The following GNG12 variants were observed in gnomAD, a reference collection of about 807,000 sequenced individuals.
GNG12 encodes the protein guanine nucleotide-binding protein G(I)/G(S)/G(O) subunit gamma-12.
For missense variants in GNG12, 69 were observed against 83.8 expected (o/e 0.82, Z 0.69); for synonymous variants, 28 against 29.7 (o/e 0.94, Z 0.19).
intron 2 of GNG12, among the ~76,000 whole-genome samples, chr1:67,718,259 A>T (rs955756112): frequency 1.3e-5 from 2 of 152,186 alleles, no homozygotes; most frequent in African/African-American, 4.8e-5. Flanking sequence ...CTGGTCACAG[A>T]GGCCTCCTTT....
intron 2 of GNG12, among the ~76,000 whole-genome samples, chr1:67,773,244 C>T (rs911209318): frequency 2.0e-5 from 3 of 152,150 alleles, no homozygotes; most frequent in African/African-American, 4.8e-5. Context: ...TTTCTTCCTA[C>T]GACATTGTTG....
At chr1:67,718,653 C>T (rs776067058) in intron 2 of GNG12, among the ~76,000 whole-genome samples, 20 of 150,888 alleles carry the variant, frequency 1.3e-4, no homozygotes, top group Non-Finnish European at 2.8e-4. Context: ...AGTCTTGGCT[C>T]TCTGCAGCTC....
intron 1 of GNG12, among the ~76,000 whole-genome samples, chr1:67,803,814 C>G (rs972313787): frequency 2.0e-5 from 3 of 152,184 alleles, no homozygotes; most frequent in African/African-American, 7.2e-5. Flanking sequence ...GCAGAGGAGG[C>G]AGGCCTGAAC....
At chr1:67,746,445 C>A (rs975978420) in intron 2 of GNG12, among the ~76,000 whole-genome samples, 3 of 151,998 alleles carry the variant, frequency 2.0e-5, no homozygotes, top group African/African-American at 4.8e-5. Flanking sequence ...ACTAAGCAAG[C>A]CTGTAACATC....
At chr1:67,729,482 C>A (rs1646406798) in intron 2 of GNG12, among the ~76,000 whole-genome samples, 2 of 152,174 alleles carry the variant, frequency 1.3e-5, no homozygotes. Flanking sequence ...TGCCCACTCG[C>A]AACCAGAGGT....
intron 2 of GNG12, among the ~76,000 whole-genome samples, chr1:67,771,820 G>A (rs11209149): frequency 0.017 from 2,603 of 152,302 alleles, 61 homozygotes; most frequent in African/African-American, 0.049. Context: ...AGAGTTCAGA[G>A]AATGCATGTA....
chr1:67,784,499 C>A (rs550061426), intron 1 of GNG12, among the ~76,000 whole-genome samples: 14 of 148,048 alleles, frequency 9.5e-5, no homozygotes, highest in African/African-American at 3.0e-4. Flanking sequence ...ATAATAAAAG[C>A]AGTTTGCCAA....
intron 1 of GNG12, among the ~76,000 whole-genome samples, chr1:67,781,234 G>T (rs7517049): frequency 0.017 from 2,551 of 152,282 alleles, 84 homozygotes; most frequent in African/African-American, 0.058. Flanking sequence ...GAATGTAAAA[G>T]AATCCACTAG....
At chr1:67,765,995 T>A (rs1489653432) in intron 2 of GNG12, among the ~76,000 whole-genome samples, 4 of 152,166 alleles carry the variant, frequency 2.6e-5, no homozygotes, top group African/African-American at 9.7e-5. Flanking sequence ...GCTGTGAGCC[T>A]TAAGCCTGGT....
chr1:67,739,510 T>G (rs1253890093), intron 2 of GNG12, among the ~76,000 whole-genome samples: 1 of 152,196 alleles, frequency 6.6e-6, no homozygotes, highest in African/African-American at 2.4e-5. Context: ...TGAAAAGTAT[T>G]GGGACAGCTA....
intron 2 of GNG12, among the ~76,000 whole-genome samples, chr1:67,759,963 C>T (rs374776638): frequency 1.3e-5 from 2 of 152,280 alleles, no homozygotes; most frequent in African/African-American, 2.4e-5. Context: ...GTTTAAGGGG[C>T]TATTTAAAAA....
intron 1 of GNG12, among the ~76,000 whole-genome samples, chr1:67,787,854 T>C (rs1284716203): frequency 6.6e-6 from 1 of 152,228 alleles, no homozygotes; most frequent in Non-Finnish European, 1.5e-5. Flanking sequence ...AGCTTCTGAC[T>C]AGGAAAAACC....
intron 1 of GNG12, among the ~76,000 whole-genome samples, chr1:67,818,413 GT>G (rs1163831257): frequency 0.074 from 6,232 of 83,726 alleles, 85 homozygotes; most frequent in Non-Finnish European, 0.087. Context: ...AAGACCAGGG[GT>G]TTTTTTTTTT....
At chr1:67,739,116 T>C (rs1217979587) in intron 2 of GNG12, among the ~76,000 whole-genome samples, 1 of 151,686 alleles carries the variant, frequency 6.6e-6, no homozygotes, top group East Asian at 1.9e-4. Context: ...GAGGCGGAGG[T>C]TGTGGTGAGC....
At chr1:67,720,473 T>C (rs751582417) in intron 2 of GNG12, among the ~76,000 whole-genome samples, 2 of 152,228 alleles carry the variant, frequency 1.3e-5, no homozygotes, top group African/African-American at 4.8e-5. Context: ...TTTGCTGATA[T>C]CTGCATGGCT....
intron 1 of GNG12, among the ~76,000 whole-genome samples, chr1:67,790,468 C>A (rs1182536771): frequency 1.3e-5 from 2 of 152,302 alleles, no homozygotes; most frequent in South Asian, 2.1e-4. Flanking sequence ...CAGCTCAGGG[C>A]ATTCAATAAC....
chr1:67,796,145 A>G (rs1441137342), intron 1 of GNG12, among the ~76,000 whole-genome samples: 1 of 152,260 alleles, frequency 6.6e-6, no homozygotes, highest in Non-Finnish European at 1.5e-5. Flanking sequence ...CCTACTGACA[A>G]AAGACATCCA....
At chr1:67,761,211 A>G (rs1024952038) in intron 2 of GNG12, among the ~76,000 whole-genome samples, 1 of 152,194 alleles carries the variant, frequency 6.6e-6, no homozygotes, top group Non-Finnish European at 1.5e-5. Flanking sequence ...ATATTTATGA[A>G]TAACAGCTGG....
rs1298834310 is a variant in GNG12 at position 67,766,146 on chromosome 1, A to ACC, written c.-27+11311_-27+11312insGG. ...CACACACACACACACACACACACAC[A>ACC]CACCCCTAAACAATGCCCTCATAGA... On this transcript the variant is annotated intron_variant, in intron 2 of 3. Transcript: ENST00000370982. Among the ~76,000 whole-genome samples the ACC allele has an allele frequency of 5.0e-5, 7 of 139,706 alleles. No homozygotes were observed. In the East Asian group the frequency reaches 1.0e-3, roughly 21 times the overall value. 91.7% of individuals were successfully genotyped at this position (139,706 alleles called of 152,430 possible). A position where few individuals can be genotyped will look rare whatever the true frequency, so the allele number is the denominator to read the frequency against.
Sources: allele counts gnomAD v4.1 joint callset (sites outside exome capture counted in the v4.1 genomes callset), GRCh38; gene constraint gnomAD v4.1.1; transcripts MANE v1.5; gene names NCBI Gene and HGNC (gene_info 2026-07-23, HGNC 2026-07-21).